Variants in SUSD4 observed in about 807,000 individuals in gnomAD.
SUSD4 encodes sushi domain-containing protein 4.
A neutral mutation model predicts 50.5 loss-of-function variants in SUSD4; 41 were observed. The observed-to-expected ratio is 0.81, with a 90% CI of 0.63 to 1.05. The LOEUF (loss-of-function observed/expected upper bound fraction) is 1.05, where lower values mean the gene tolerates loss of function less well. Among genes scored for constraint, SUSD4 ranks in the 50% least tolerant of loss-of-function variants. The probability of loss-of-function intolerance (pLI) is 0.00; values close to 1 mark genes in which losing one functional copy is unlikely to be tolerated. For synonymous variants in SUSD4, 257 were observed against 257.3 expected (o/e 1.00, Z 0.01); for missense variants, 580 against 634.7 (o/e 0.91, Z 0.93).
intron 2 of SUSD4, among the ~76,000 whole-genome samples, chr1:223,304,954 T>C (rs887497963): frequency 1.3e-5 from 2 of 150,578 alleles, no homozygotes; most frequent in Non-Finnish European, 3.0e-5. Flanking sequence ...TGTTAATATC[T>C]GAAAATATTC....
chr1:223,290,699 A>C (rs1553298186), intron 3 of SUSD4, among the ~76,000 whole-genome samples: 1 of 152,158 alleles, frequency 6.6e-6, no homozygotes, highest in Non-Finnish European at 1.5e-5. Context: ...GAAAAAAAAA[A>C]GAATGACACA....
At chr1:223,243,703 T>G (rs1660737134) in intron 5 of SUSD4, among the ~76,000 whole-genome samples, 1 of 152,228 alleles carries the variant, frequency 6.6e-6, no homozygotes, top group Non-Finnish European at 1.5e-5. Flanking sequence ...CGGCACTGTC[T>G]GAGCTCAGGG....
chr1:223,236,387 A>T (rs1424875638), intron 5 of SUSD4, among the ~76,000 whole-genome samples: 1 of 152,180 alleles, frequency 6.6e-6, no homozygotes, highest in Admixed American at 6.5e-5. Context: ...TCCTTCATGC[A>T]TCATGCCACT....
At chr1:223,304,622 A>G (rs1016863477) in intron 2 of SUSD4, among the ~76,000 whole-genome samples, 1 of 151,238 alleles carries the variant, frequency 6.6e-6, no homozygotes, top group Non-Finnish European at 1.5e-5. Flanking sequence ...ACTACTTTCA[A>G]TACACTCCAC....
intron 2 of SUSD4, among the ~76,000 whole-genome samples, chr1:223,341,545 C>T (rs965777871): frequency 6.6e-6 from 1 of 151,982 alleles, no homozygotes; most frequent in African/African-American, 2.4e-5. Flanking sequence ...AGCTCCCCCA[C>T]GCAGAACACC....
chr1:223,264,171 G>C, intron 5 of SUSD4: 3 of 985,420 alleles, frequency 3.0e-6, no homozygotes, highest in Non-Finnish European at 3.6e-6. Flanking sequence ...AGGGAGGAAA[G>C]AGCTCTTGCT....
intron 2 of SUSD4, among the ~76,000 whole-genome samples, chr1:223,316,610 G>T (rs1255162059): frequency 6.6e-6 from 1 of 152,156 alleles, no homozygotes; most frequent in African/African-American, 2.4e-5. Context: ...CCATTCAAAA[G>T]GACTTCTGCC....
intron 3 of SUSD4, 92 bp from the exon 4 acceptor site, chr1:223,268,767 G>T: frequency 7.5e-7 from 1 of 1,329,126 alleles, no homozygotes; most frequent in Non-Finnish European, 1.0e-6. Context: ...TTCAGACTTG[G>T]TCTCAACCTA....
At chr1:223,226,687 T>A (rs1659541958) in intron 7 of SUSD4, among the ~76,000 whole-genome samples, 1 of 152,192 alleles carries the variant, frequency 6.6e-6, no homozygotes, top group Non-Finnish European at 1.5e-5. Context: ...CTCTGGGGAC[T>A]AGGCTGTCCC....
At chr1:223,264,238 C>T in intron 5 of SUSD4, 1 of 985,348 alleles carries the variant, frequency 1.0e-6, no homozygotes, top group African/African-American at 1.7e-5. Context: ...CCATAAAGTG[C>T]ATGGAAATAT....
At chr1:223,349,513 C>G (rs1050057628) in intron 2 of SUSD4, among the ~76,000 whole-genome samples, 1 of 152,172 alleles carries the variant, frequency 6.6e-6, no homozygotes, top group African/African-American at 2.4e-5. Context: ...CAAATTTGAG[C>G]TTCCAGATCA....
At chr1:223,256,111 A>C (rs1186773662) in intron 5 of SUSD4, among the ~76,000 whole-genome samples, 1 of 152,214 alleles carries the variant, frequency 6.6e-6, no homozygotes, top group Non-Finnish European at 1.5e-5. Flanking sequence ...CATTGTATAC[A>C]GTGTAGCTTG....
chr1:223,327,338 G>A (rs1310866490), intron 2 of SUSD4, among the ~76,000 whole-genome samples: 2 of 152,138 alleles, frequency 1.3e-5, no homozygotes, highest in Non-Finnish European at 2.9e-5. Context: ...AGTGGGAGGA[G>A]ACTGGGAGTA....
intron 2 of SUSD4, among the ~76,000 whole-genome samples, chr1:223,343,041 T>C (rs1667843288): frequency 6.6e-6 from 1 of 152,126 alleles, no homozygotes; most frequent in South Asian, 2.1e-4. Context: ...AAGCCCAGAA[T>C]TCAAAACAAT....
chr1:223,252,071 G>A (rs1344744409), intron 5 of SUSD4, among the ~76,000 whole-genome samples: 2 of 110,528 alleles, frequency 1.8e-5, no homozygotes, highest in Non-Finnish European at 3.5e-5. Flanking sequence ...GCCTGTTGTG[G>A]GGTGGGGGGA....
intron 5 of SUSD4, among the ~76,000 whole-genome samples, chr1:223,260,112 C>A (rs1661995888): frequency 6.6e-6 from 1 of 152,164 alleles, no homozygotes; most frequent in Non-Finnish European, 1.5e-5. Flanking sequence ...TGAAACTGTC[C>A]TTCTACCCTT....
intron 5 of SUSD4, among the ~76,000 whole-genome samples, chr1:223,262,222 T>C (rs998475974): frequency 1.3e-5 from 2 of 152,080 alleles, no homozygotes; most frequent in African/African-American, 4.8e-5. Flanking sequence ...GACAGAAAAC[T>C]CAAAGAGAAA....
Position 223,230,329 on chromosome 1 carries a change from A to G in SUSD4, c.725-941T>C, listed in dbSNP as rs114238226. Among the ~76,000 whole-genome samples the G allele has an allele frequency of 3.2e-3, 482 of 152,036 alleles. 2 individuals are homozygous for G. The highest frequency in any genetic ancestry group is 0.011 in the African/African-American group (449 of 41,462). ...ACATTCTTCAAGAAACAGTCAAACC[A>G]CAGATTCTATCAGTGCCAACTTCAA... On this transcript the variant is annotated intron_variant, in intron 5 of 8. Coordinates refer to ENST00000366878, the MANE Select transcript of SUSD4 (RefSeq NM_017982.4).
Position 223,223,236 on chromosome 1 carries a change from G to A in SUSD4, c.1444+13C>T, listed in dbSNP as rs1247454116. On this transcript the variant is annotated intron_variant, in intron 8 of 8. Transcript: ENST00000366878. Reference sequence around the variant, plus strand: ...TTTGCAGGTGTGGCTTGGGCCCTGGGGCAAGCACTTACCATCTGCAATGTC... The same window carrying A: ...TTTGCAGGTGTGGCTTGGGCCCTGGAGCAAGCACTTACCATCTGCAATGTC... 16 of 1,522,260 alleles carry A rather than the reference G, an allele frequency of 1.1e-5. No homozygotes were observed. Among genetic ancestry groups the A allele is most frequent in the Non-Finnish European group, 1.3e-5 (15 of 1,142,238 alleles). 94.3% of individuals were successfully genotyped at this position (1,522,260 alleles called of 1,614,324 possible). A position where few individuals can be genotyped will look rare whatever the true frequency, so the allele number is the denominator to read the frequency against.
Sources: gnomAD v4.1 joint callset for allele counts (sites outside exome capture counted in the v4.1 genomes callset) on GRCh38, gnomAD v4.1.1 for gene constraint, MANE v1.5 for transcripts, NCBI Gene and HGNC (gene_info 2026-07-23, HGNC 2026-07-21) for gene names.